Variants in RIMS2 observed in about 807,000 individuals in gnomAD.
The protein encoded by RIMS2 is regulating synaptic membrane exocytosis protein 2.
RIMS2 carries 59 observed loss-of-function variants against 174.4 expected under a neutral mutation model. The observed-to-expected ratio is 0.34, with a 90% CI of 0.27 to 0.42. The LOEUF (loss-of-function observed/expected upper bound fraction) is 0.42, where lower values mean the gene tolerates loss of function less well. RIMS2 is among the 10% of genes least tolerant of loss of function. RIMS2 has a pLI of 1.00. For synonymous variants in RIMS2, 606 were observed against 572.5 expected (o/e 1.06, Z -0.84); for missense variants, 1,620 against 1,666.3 (o/e 0.97, Z 0.48).
chr8:104,006,194 AT>A (rs1596972911), intron 17 of RIMS2, among the ~76,000 whole-genome samples: 1 of 151,964 alleles, frequency 6.6e-6, no homozygotes, highest in East Asian at 1.9e-4. Flanking sequence ...TTTCTGTTGT[AT>A]TTCAATCTTT....
At chr8:103,711,056 G>T (rs184516212) in intron 2 of RIMS2, among the ~76,000 whole-genome samples, 2 of 152,316 alleles carry the variant, frequency 1.3e-5, no homozygotes, top group African/African-American at 4.8e-5. Flanking sequence ...CAAGGGCAAA[G>T]ATTTTAGTAG....
exon 4 of RIMS2, chr8:103,885,832 A>T (rs1220569649): frequency 6.2e-7 from 1 of 1,612,944 alleles, no homozygotes; most frequent in Non-Finnish European, 8.5e-7. Context: ...GATCTTATTC[A>T]ATGGAAAGAA....
chr8:103,907,684 C>A (rs184834444), intron 4 of RIMS2, among the ~76,000 whole-genome samples: 141 of 151,404 alleles, frequency 9.3e-4, no homozygotes, highest in African/African-American at 3.3e-3. Flanking sequence ...TTAATTATTG[C>A]CAATTTATGT....
chr8:103,510,276 C>A (rs1379213232), intron 1 of RIMS2, among the ~76,000 whole-genome samples: 7 of 152,130 alleles, frequency 4.6e-5, no homozygotes, highest in Admixed American at 1.3e-4. Flanking sequence ...TGCTCACATT[C>A]ATCTTGTTTT....
chr8:103,943,259 CA>C (rs2082958436), intron 14 of RIMS2, among the ~76,000 whole-genome samples: 1 of 152,038 alleles, frequency 6.6e-6, no homozygotes, highest in Non-Finnish European at 1.5e-5. Flanking sequence ...TGAGTTTAGC[CA>C]CATAGTTGTA....
chr8:104,173,611 T>C (rs2098845030), intron 19 of RIMS2, among the ~76,000 whole-genome samples: 2 of 134,304 alleles, frequency 1.5e-5, no homozygotes, highest in Admixed American at 8.2e-5. Context: ...TTAGCTCTTC[T>C]GATTTTTTTT....
intron 3 of RIMS2, among the ~76,000 whole-genome samples, chr8:103,856,159 ATGTTATCTGATATAGGATAGCAACTC>A (rs548249761): frequency 1.5e-3 from 224 of 152,258 alleles, no homozygotes; most frequent in African/African-American, 5.0e-3. Flanking sequence ...TTTAAAATCT[ATGTTATCTGATATAGGATAGCAACTC>A]TGTTATCTGA....
At chr8:103,544,990 C>T (rs552931465) in intron 1 of RIMS2, among the ~76,000 whole-genome samples, 4 of 152,346 alleles carry the variant, frequency 2.6e-5, no homozygotes, top group South Asian at 2.1e-4. Context: ...CCAGTGTCTT[C>T]TTCCTTCCAA....
Position 103,904,246 on chromosome 8 carries a change from C to G in RIMS2, c.1625-5888C>G, listed in dbSNP as rs550352280. Among the ~76,000 whole-genome samples the G allele has an allele frequency of 2.0e-5, 3 of 152,124 alleles. No homozygotes were observed. In the East Asian group the frequency reaches 5.8e-4, roughly 29 times the overall value. On this transcript the variant is annotated intron_variant, in intron 4 of 23. Coordinates refer to ENST00000504942, the Ensembl canonical transcript of RIMS2. ...CCAATTCATATAATGCCCTTGAGGT[C>G]TATCCATGTTGTGTGTATAGTTTTT...
chr8:103,908,976 T>C (rs976993756), intron 4 of RIMS2, among the ~76,000 whole-genome samples: 1 of 152,246 alleles, frequency 6.6e-6, no homozygotes, highest in African/African-American at 2.4e-5. Context: ...TCATTCTTTT[T>C]GGTTCAGAAA....
At chr8:104,177,167 A>G (rs1036459803) in intron 19 of RIMS2, among the ~76,000 whole-genome samples, 4 of 152,164 alleles carry the variant, frequency 2.6e-5, no homozygotes, top group African/African-American at 9.7e-5. Context: ...TCTGTGAAAT[A>G]AGACAGGTAG....
intron 1 of RIMS2, among the ~76,000 whole-genome samples, chr8:103,523,513 G>T (rs975088963): frequency 2.6e-5 from 4 of 152,132 alleles, no homozygotes; most frequent in African/African-American, 9.7e-5. Flanking sequence ...GGACCAGTAG[G>T]TTGGGGCAGG....
Position 103,936,235 on chromosome 8 carries a change from TA to T in RIMS2, c.2376-309del, listed in dbSNP as rs528704635. ...GAAGATTTTCAATAGGGTGATATTT[TA>T]AAAAAATTATAGAGTTAAGATTCTC... On this transcript the variant is annotated intron_variant, in intron 12 of 23. Transcript: ENST00000504942. Among the ~76,000 whole-genome samples the T allele has an allele frequency of 2.8e-3, 419 of 152,188 alleles. 3 individuals are homozygous for T. The highest frequency in any genetic ancestry group is 0.014 in the Middle Eastern group (4 of 294).
At chr8:104,080,544 T>A (rs2097397267) in intron 19 of RIMS2, among the ~76,000 whole-genome samples, 1 of 152,026 alleles carries the variant, frequency 6.6e-6, no homozygotes, top group African/African-American at 2.4e-5. Flanking sequence ...GTGTAATGTT[T>A]TGCATATTTT....
intron 1 of RIMS2, among the ~76,000 whole-genome samples, chr8:103,533,910 G>C (rs2469981): frequency 0.97 from 148,105 of 152,306 alleles, 72,033 homozygotes; most frequent in East Asian, 1. Context: ...TAACCATCAT[G>C]ACTTCTGTGC....
chr8:104,080,033 A>T (rs749910084), intron 19 of RIMS2, among the ~76,000 whole-genome samples: 2 of 152,098 alleles, frequency 1.3e-5, no homozygotes, highest in African/African-American at 4.8e-5. Flanking sequence ...AGTCAAAAGC[A>T]TGTTTTCTAA....
At chr8:104,055,758 G>A (rs780162479) in intron 19 of RIMS2, among the ~76,000 whole-genome samples, 6 of 152,164 alleles carry the variant, frequency 3.9e-5, no homozygotes, top group African/African-American at 7.2e-5. Flanking sequence ...TAGCCTAAAA[G>A]ATCCTTCTAC....
At chr8:103,610,718 G>A (rs1160323911) in intron 1 of RIMS2, among the ~76,000 whole-genome samples, 3 of 152,102 alleles carry the variant, frequency 2.0e-5, no homozygotes, top group Non-Finnish European at 4.4e-5. Flanking sequence ...ATGTGCTGCT[G>A]GATTTGATTT....
At chr8:103,742,435 A>G (rs925528819) in intron 2 of RIMS2, among the ~76,000 whole-genome samples, 11 of 152,128 alleles carry the variant, frequency 7.2e-5, no homozygotes, top group Non-Finnish European at 8.8e-5. Context: ...TACTTTTGCC[A>G]TGATCTGAAC....
Sources: allele counts gnomAD v4.1 joint callset (sites outside exome capture counted in the v4.1 genomes callset), GRCh38; gene constraint gnomAD v4.1.1; transcripts MANE v1.5; gene names NCBI Gene and HGNC (gene_info 2026-07-23, HGNC 2026-07-21).